Variants in LENG1 observed in about 807,000 individuals in gnomAD.
LENG1 encodes the protein leukocyte receptor cluster member 1, also known as leukocyte receptor cluster (LRC) member 1.
A neutral mutation model predicts 28.8 loss-of-function variants in LENG1; 35 were observed. The ratio of observed to expected loss-of-function variants is 1.22; its 90% CI spans 0.93 to 1.61. The LOEUF (loss-of-function observed/expected upper bound fraction) is 1.61, where lower values mean the gene tolerates loss of function less well. Among genes scored for constraint, LENG1 ranks in the 40% most tolerant of loss-of-function variants. LENG1 has a pLI of 0.00. For missense variants in LENG1, 404 were observed against 348.9 expected (o/e 1.16, Z -1.26); for synonymous variants, 170 against 140.6 (o/e 1.21, Z -1.48).
rs750223570 is a variant in LENG1 at position 54,155,886 on chromosome 19, C to G, written c.630G>C (p.Glu210Asp). 6.8e-6 allele frequency: 11 copies of G among 1,612,782 alleles called. No homozygotes were observed. The African/African-American group carries it at 1.5e-4, about 22-fold the overall frequency. Residue 210 changes from glutamate to aspartate, a missense_variant, in exon 4 of 4, where the codon GAG becomes GAC. Physicochemically the swap from Glu to Asp is conservative, Grantham distance 45. Transcript: ENST00000222224. Reference protein sequence around the residue: ...RAERLRREAAERSRAEALLAR... With the variant: ...RAERLRREAADRSRAEALLAR... ...CCAGCAGGGCCTCTGCCCGAGACCT[C>G]TCAGCTGCTTCCCTCCGCAGACGTT...
At position 54,156,951 on chromosome 19, in the gene LENG1, A is replaced by AG; in HGVS notation, c.386dup (p.Trp130LeufsTer19). The stretch of plus-strand genomic sequence containing the variant: ...CTCGCCCTGGGGGTAGCTGGTACCA[A>AG]GGGGGTTGAGTCTGTGCCTCCGCTG... On this transcript the variant is annotated frameshift_variant, in exon 3 of 4. Coordinates refer to ENST00000222224, the MANE Select transcript of LENG1 (RefSeq NM_024316.3). LOFTEE classifies it high-confidence loss of function. 1 of 1,612,066 alleles carries AG rather than the reference A, an allele frequency of 6.2e-7. No individual in the cohort carries two copies. The highest frequency in any genetic ancestry group is 1.3e-5 in the African/African-American group (1 of 74,950).
In LENG1 at chr19:54,155,871, C is replaced by T. The variant is rs777249468; in HGVS notation, c.645G>A (p.Glu215=). ...GGCCTTGGACCCGGGCCAGCAGGGC[C>T]TCTGCCCGAGACCTCTCAGCTGCTT... ...RREAAERSRA[E]ALLARVQGRA... is the part of the protein sequence containing the mutation. The change falls in exon 4 of 4, where the codon GAG becomes GAA. Residue 215 remains glutamate, a synonymous_variant. Transcript: ENST00000222224. 7 of 1,612,830 alleles carry T rather than the reference C, an allele frequency of 4.3e-6. No homozygotes were observed. The highest frequency in any genetic ancestry group is 5.1e-6 in the Non-Finnish European group (6 of 1,179,862).
At position 54,155,478 on chromosome 19, in the gene LENG1, C is replaced by A; in HGVS notation, c.*243G>T. On this transcript the variant is annotated 3_prime_UTR_variant, in exon 4 of 4. Coordinates refer to ENST00000222224, the MANE Select transcript of LENG1 (RefSeq NM_024316.3). ...CCCCTGCCCAGGTGAGGGCCCTGCCCTGGAAGACTGGAGGGAGGCCCCAAG... is the reference window on the plus strand; with the variant it reads ...CCCCTGCCCAGGTGAGGGCCCTGCCATGGAAGACTGGAGGGAGGCCCCAAG... 1 of 1,096,722 alleles carries A rather than the reference C, an allele frequency of 9.1e-7. No individual in the cohort carries two copies. 67.9% of individuals were successfully genotyped at this position (1,096,722 alleles called of 1,614,324 possible). A position where few individuals can be genotyped will look rare whatever the true frequency, so the allele number is the denominator to read the frequency against.
At chr19:54,156,023 C>CCTG (rs1229630308) in intron 3 of LENG1, 83 bp from the exon 4 acceptor site, 9 of 1,241,286 alleles carry the variant, frequency 7.3e-6, no homozygotes, top group Non-Finnish European at 1.0e-5. Context: ...GGAGCTGCCG[C>CCTG]CTGGAAGCCC....
chr19:54,157,107 G>C (rs755376284), intron 2 of LENG1, 82 bp from the exon 3 acceptor site: 2 of 1,176,376 alleles, frequency 1.7e-6, no homozygotes, highest in Non-Finnish European at 2.3e-6. Context: ...GTATCTAAGC[G>C]AACAGGTATC....
Position 54,159,556 on chromosome 19 carries a change from G to A in LENG1, c.132+8C>T, listed in dbSNP as rs375567796. The stretch of plus-strand genomic sequence containing the variant: ...CCGGAGCGCCGCCCTGCCGGCTTCC[G>A]AGCTTACCTCTTGCTGAGCCAGCAG... On this transcript the variant is annotated splice_region_variant and intron_variant, in intron 1 of 3. Transcript: ENST00000222224. The A allele has an allele frequency of 7.0e-5, 109 of 1,554,098 alleles. No individual in the cohort carries two copies. The highest frequency in any genetic ancestry group is 8.1e-5 in the Non-Finnish European group (93 of 1,151,320).
Position 54,159,333 on chromosome 19 carries a change from A to ATG in LENG1, c.132+229_132+230dup, listed in dbSNP as rs1318208810. ...TTTTGTGCTAGACACTGTTCCAGCC[A>ATG]TGTGAAATACATCAGTGGGGGAAAA... On this transcript the variant is annotated intron_variant, in intron 1 of 3. Coordinates refer to ENST00000222224, the MANE Select transcript of LENG1 (RefSeq NM_024316.3). 2.6e-5 allele frequency among the ~76,000 whole-genome samples: 4 copies of ATG among 152,272 alleles called. No homozygotes were observed. The East Asian group carries it at 7.7e-4, about 29-fold the overall frequency.
At position 54,158,457 on chromosome 19, in the gene LENG1, C is replaced by T. The variant is rs377602370; in HGVS notation, c.137G>A (p.Arg46His). The T allele has an allele frequency of 2.9e-5, 47 of 1,613,754 alleles. No homozygotes were observed. Among genetic ancestry groups the T allele is most frequent in the Non-Finnish European group, 3.7e-5 (44 of 1,179,754 alleles). The change falls in exon 2 of 4, where the codon CGT (arginine) becomes CAT (histidine). Residue 46 changes from arginine to histidine, a missense_variant. Physicochemically the swap from Arg to His is conservative, Grantham distance 29. Coordinates refer to ENST00000222224, the MANE Select transcript of LENG1 (RefSeq NM_024316.3). ...RRVLLAQQEARTEFLRKKARH... is the reference protein window; with the variant it reads ...RRVLLAQQEAHTEFLRKKARH... ...GGCTTTCTTCCGTAGGAATTCTGTA[C>T]GGGCCTGGGGAGAAAGTTATAGGCA... is the stretch of plus-strand genomic sequence containing the variant.
intron 1 of LENG1, 55 bp downstream of exon 1, chr19:54,159,509 C>A (rs1189592334): frequency 1.4e-6 from 2 of 1,466,696 alleles, no homozygotes; most frequent in African/African-American, 2.9e-5. Context: ...GGCCCCCAAC[C>A]GCGGCGCCTG....
At chr19:54,157,320 G>A (rs554075487) in intron 2 of LENG1, among the ~76,000 whole-genome samples, 172 of 152,304 alleles carry the variant, frequency 1.1e-3, no homozygotes, top group African/African-American at 3.8e-3. Context: ...GCAGAGGAGC[G>A]ATGGGTGGGG....
intron 2 of LENG1, among the ~76,000 whole-genome samples, 177 bp from the exon 3 acceptor site, chr19:54,157,202 G>A (rs1261223463): frequency 6.6e-6 from 1 of 152,152 alleles, no homozygotes; most frequent in Non-Finnish European, 1.5e-5. Context: ...GACAGTAGCA[G>A]GTACAGTAAC....
chr19:54,155,183 G>A lies in LENG1; in HGVS notation c.*538C>T, dbSNP rs1211732054. The A allele has an allele frequency of 5.6e-6, 6 of 1,062,320 alleles. No individual in the cohort carries two copies. The highest frequency in any genetic ancestry group is 8.2e-6 in the Non-Finnish European group (6 of 731,092). The allele number at this position is 1,062,320 out of a possible 1,614,324, so 65.8% of individuals were successfully genotyped here. A position where few individuals can be genotyped will look rare whatever the true frequency, so the allele number is the denominator to read the frequency against. On this transcript the variant is annotated 3_prime_UTR_variant, in exon 4 of 4. Transcript: ENST00000222224. ...TGAGGATGGATGAGAGTGTGTGCGTGCAGGGCAGCTGGCCCGGTGCCTGAC... is the reference window on the plus strand; with the variant it reads ...TGAGGATGGATGAGAGTGTGTGCGTACAGGGCAGCTGGCCCGGTGCCTGAC...
At chr19:54,157,884 A>AT (rs59509764) in intron 2 of LENG1, among the ~76,000 whole-genome samples, 8 of 149,760 alleles carry the variant, frequency 5.3e-5, no homozygotes, top group South Asian at 2.1e-4. Context: ...TGCCCGGCTA[A>AT]TTTTTTTTGT....
Position 54,157,092 on chromosome 19 carries a change from CACAGGTATCTAAGCGA to C in LENG1, c.313-83_313-68del, listed in dbSNP as rs368888481. 6.1e-6 allele frequency: 8 copies of C among 1,321,536 alleles called. No homozygotes were observed. In the African/African-American group the frequency reaches 7.4e-5, roughly 12 times the overall value. 81.9% of individuals were successfully genotyped at this position (1,321,536 alleles called of 1,614,324 possible). ...CAAGGTGTCAGGTGTGTCTCCCTGA[CACAGGTATCTAAGCGA>C]ACAGGTATCTAAGGCTTGTTATGAA... On this transcript the variant is annotated intron_variant, in intron 2 of 3. Coordinates refer to ENST00000222224, the MANE Select transcript of LENG1 (RefSeq NM_024316.3).
chr19:54,157,620 T>C (rs1395102017), intron 2 of LENG1, among the ~76,000 whole-genome samples: 2 of 152,160 alleles, frequency 1.3e-5, no homozygotes, highest in African/African-American at 4.8e-5. Flanking sequence ...TCCACCCACG[T>C]TGGCCTCCCA....
rs1406610301 is a variant in LENG1 at position 54,155,741 on chromosome 19, C to A, written c.775G>T (p.Asp259Tyr). Residue 259 changes from aspartate (D) to tyrosine (Y), a missense_variant, in exon 4 of 4, where the codon GAC becomes TAC. Asp to Tyr is a radical substitution (Grantham distance 160). Coordinates refer to ENST00000222224, the MANE Select transcript of LENG1 (RefSeq NM_024316.3). ...PQLARRPRQQ[D>Y]PHLTH Reference sequence around the variant, plus strand: ...AGGAGTCAGTGAGTAAGGTGAGGGTCCTGCTGGCGGGGGCGCCGGGCCAGC... The same window carrying A: ...AGGAGTCAGTGAGTAAGGTGAGGGTACTGCTGGCGGGGGCGCCGGGCCAGC... The A allele has an allele frequency of 6.2e-7, 1 of 1,611,348 alleles. No homozygotes were observed. The highest frequency in any genetic ancestry group is 8.5e-7 in the Non-Finnish European group (1 of 1,179,634).
Position 54,155,416 on chromosome 19 carries a change from C to A in LENG1, c.*305G>T, listed in dbSNP as rs759780623. The A allele has an allele frequency of 1.9e-6, 3 of 1,556,016 alleles. No homozygotes were observed. Among genetic ancestry groups the A allele is most frequent in the Non-Finnish European group, 2.6e-6 (3 of 1,138,742 alleles). On this transcript the variant is annotated 3_prime_UTR_variant, in exon 4 of 4. Transcript: ENST00000222224. ...ACCGGGACCTCCAGTGACACCGGCC[C>A]CTCCCTCTACCCACCCCCTTCCCCC...
rs756782151 is a variant in LENG1, at chr19:54,156,834, T to C, written c.504A>G (p.Arg168=). 18 of 1,613,502 alleles carry C rather than the reference T, an allele frequency of 1.1e-5. No homozygotes were observed. The highest frequency in any genetic ancestry group is 1.5e-5 in the Non-Finnish European group (18 of 1,179,796). Reference sequence around the variant, plus strand: ...GACTGCCTTCATCACCGCCGTGCTGTCTCTTCTTCCCCAGATGCTTCTGCA... The same window carrying C: ...GACTGCCTTCATCACCGCCGTGCTGCCTCTTCTTCCCCAGATGCTTCTGCA... ...REMQKHLGKK[R]QHGGDEGSRS... is the part of the protein sequence containing the mutation. Residue 168 remains arginine (R), a synonymous_variant, in exon 3 of 4, where the codon AGA becomes AGG. Coordinates refer to ENST00000222224, the MANE Select transcript of LENG1 (RefSeq NM_024316.3).
Position 54,158,342 on chromosome 19 carries a change from C to A in LENG1, c.252G>T (p.Glu84Asp), listed in dbSNP as rs780001744. The change falls in exon 2 of 4, where the codon GAG (glutamate) becomes GAT (aspartate). Residue 84 changes from glutamate (E) to aspartate (D), a missense_variant. By Grantham distance (45) the Glu-to-Asp change is conservative (BLOSUM62 2). Transcript: ENST00000222224. ...TGCCTCTGATCACTCCTTTCCCTTC[C>A]TCCAGCAGCTCCCGAAACAGGTCCA... ...GPVDLFRELL[E>D]EGKGVIRGNK... is the part of the protein sequence containing the mutation. The A allele has an allele frequency of 6.2e-7, 1 of 1,614,098 alleles. No homozygotes were observed. Among genetic ancestry groups the A allele is most frequent in the Non-Finnish European group, 8.5e-7 (1 of 1,180,040 alleles).
Sources: gnomAD v4.1 joint callset for allele counts (sites outside exome capture counted in the v4.1 genomes callset) on GRCh38, gnomAD v4.1.1 for gene constraint, MANE v1.5 for transcripts, NCBI Gene and HGNC (gene_info 2026-07-23, HGNC 2026-07-21) for gene names.